The following TNR variants were observed in gnomAD, a reference collection of about 807,000 sequenced individuals.
TNR encodes the protein tenascin R, also known as tenascin-R.
Under a neutral mutation model 150.4 loss-of-function variants are expected in TNR, and 45 were observed. That is an observed-to-expected ratio of 0.30 (90% CI 0.24 to 0.38). The LOEUF (loss-of-function observed/expected upper bound fraction) is 0.38. Ranked by LOEUF, TNR falls within the 10% of genes least tolerant of loss-of-function variation. The probability of loss-of-function intolerance (pLI) is 1.00; values close to 1 mark genes in which losing one functional copy is unlikely to be tolerated. For missense variants in TNR, 1,544 were observed against 1,759.1 expected, an observed-to-expected ratio of 0.88 and a Z score of 2.19; for synonymous variants, 687 against 678.4, an observed-to-expected ratio of 1.01 and a Z score of -0.20.
intron 2 of TNR, among the ~76,000 whole-genome samples, chr1:175,452,285 A>T (rs1322892054): frequency 2.0e-5 from 3 of 152,268 alleles, no homozygotes; most frequent in Non-Finnish European, 4.4e-5. Context: ...TCAGCAGTGA[A>T]CAAAGCGCCC....
intron 21 of TNR, among the ~76,000 whole-genome samples, chr1:175,328,514 T>G (rs980937379): frequency 4.6e-5 from 7 of 152,204 alleles, no homozygotes; most frequent in Admixed American, 3.9e-4. Flanking sequence ...AGAAACCTTC[T>G]GATCTAGAAA....
Position 175,374,162 on chromosome 1 carries a change from G to A in TNR, c.1963+5390C>T, listed in dbSNP as rs1348048261. Among the ~76,000 whole-genome samples, 4 of 152,156 alleles carry A rather than the reference G, an allele frequency of 2.6e-5. No homozygotes were observed. In the East Asian group the frequency reaches 7.7e-4, roughly 29 times the overall value. On this transcript the variant is annotated intron_variant, in intron 9 of 22. Coordinates refer to ENST00000367674, the MANE Select transcript of TNR (RefSeq NM_003285.3). ...GTGCAGACATAGCGAGGTGGACATTGAGTGCCGTGGTCAGTGCTGACTTGC... is the reference window on the plus strand; with the variant it reads ...GTGCAGACATAGCGAGGTGGACATTAAGTGCCGTGGTCAGTGCTGACTTGC...
chr1:175,441,280 CTGTTT>C (rs1183710293), intron 2 of TNR, among the ~76,000 whole-genome samples: 1 of 152,036 alleles, frequency 6.6e-6, no homozygotes, highest in Non-Finnish European at 1.5e-5. Context: ...TAGTTTTGAT[CTGTTT>C]TATGTGTTCA....
intron 6 of TNR, among the ~76,000 whole-genome samples, chr1:175,392,076 G>T (rs183746523): frequency 3.3e-5 from 5 of 152,276 alleles, no homozygotes; most frequent in Admixed American, 2.6e-4. Context: ...AAAGGAAAAA[G>T]GAAGCTTGGA....
intron 1 of TNR, among the ~76,000 whole-genome samples, chr1:175,713,498 C>T (rs1667075677): frequency 6.6e-6 from 1 of 152,196 alleles, no homozygotes; most frequent in South Asian, 2.1e-4. Flanking sequence ...AGCCTCCTGA[C>T]TCCTCCACAA....
At chr1:175,714,896 TG>T in intron 1 of TNR, among the ~76,000 whole-genome samples, 1 of 152,152 alleles carries the variant, frequency 6.6e-6, no homozygotes, top group Non-Finnish European at 1.5e-5. Flanking sequence ...CCCCTTTCCC[TG>T]GTCAGCAGCA....
chr1:175,352,671 T>C (rs1460176521), intron 18 of TNR, among the ~76,000 whole-genome samples: 1 of 152,232 alleles, frequency 6.6e-6, no homozygotes, highest in Non-Finnish European at 1.5e-5. Flanking sequence ...AGATACATCT[T>C]GGATTCATGT....
intron 2 of TNR, among the ~76,000 whole-genome samples, chr1:175,512,151 G>C (rs1659204616): frequency 6.6e-6 from 1 of 152,150 alleles, no homozygotes; most frequent in African/African-American, 2.4e-5. Flanking sequence ...CTTCACCCTA[G>C]AAAGAAGCAT....
At chr1:175,726,623 A>T (rs985656444) in intron 1 of TNR, among the ~76,000 whole-genome samples, 1 of 152,250 alleles carries the variant, frequency 6.6e-6, no homozygotes, top group Non-Finnish European at 1.5e-5. Context: ...CATCTTTTTC[A>T]TTGGTTGTAG....
At chr1:175,380,145 G>A (rs1002633798) in intron 8 of TNR, among the ~76,000 whole-genome samples, 3 of 152,292 alleles carry the variant, frequency 2.0e-5, no homozygotes, top group South Asian at 2.1e-4. Flanking sequence ...AAAGAAGACT[G>A]TTGATTTCAA....
At chr1:175,556,847 C>T (rs1240448856) in intron 1 of TNR, 6 of 152,576 alleles carry the variant, frequency 3.9e-5, no homozygotes, top group African/African-American at 1.4e-4. Flanking sequence ...TATGTAGTCT[C>T]CTCGCCATGA....
intron 1 of TNR, among the ~76,000 whole-genome samples, chr1:175,669,094 T>C (rs574310375): frequency 3.9e-5 from 6 of 152,158 alleles, no homozygotes; most frequent in Non-Finnish European, 8.8e-5. Flanking sequence ...TCACATCAGC[T>C]CCTGCCTCAG....
chr1:175,362,957 T>C (rs1292484813), intron 13 of TNR, 148 bp from the exon 14 acceptor site: 2 of 1,042,512 alleles, frequency 1.9e-6, no homozygotes, highest in East Asian at 4.9e-5. Flanking sequence ...GCTGGGAATG[T>C]TGGAGTGTGA....
chr1:175,651,938 T>A lies in TNR; in HGVS notation c.-165+91288A>T, dbSNP rs1041465522. On this transcript the variant is annotated intron_variant, in intron 1 of 22. Coordinates refer to ENST00000367674, the MANE Select transcript of TNR (RefSeq NM_003285.3). ...CTGTTCAAATTACTATGTTCATGGA[T>A]GAAATAAGAATAATTATATTATTAT... is the stretch of plus-strand genomic sequence containing the variant. Among the ~76,000 whole-genome samples, 13 of 151,406 alleles carry A rather than the reference T, an allele frequency of 8.6e-5. No individual in the cohort carries two copies. The South Asian group carries it at 1.0e-3, about 12-fold the overall frequency.
intron 2 of TNR, among the ~76,000 whole-genome samples, chr1:175,501,914 G>T (rs998367970): frequency 6.6e-6 from 1 of 152,142 alleles, no homozygotes; most frequent in Admixed American, 6.6e-5. Context: ...GTCTGGTGTG[G>T]GTACAGACAA....
chr1:175,439,219 C>A (rs1405272058), intron 2 of TNR, among the ~76,000 whole-genome samples: 2 of 151,370 alleles, frequency 1.3e-5, no homozygotes, highest in East Asian at 3.9e-4. Context: ...GAAATAATGC[C>A]GCATATCTAC....
At chr1:175,644,313 C>G (rs1338791310) in intron 1 of TNR, among the ~76,000 whole-genome samples, 2 of 152,206 alleles carry the variant, frequency 1.3e-5, no homozygotes, top group Non-Finnish European at 2.9e-5. Flanking sequence ...TCAGTGTCAC[C>G]TTCTCATAAC....
intron 2 of TNR, among the ~76,000 whole-genome samples, chr1:175,455,277 T>A (rs748876414): frequency 7.3e-5 from 11 of 151,014 alleles, no homozygotes; most frequent in Admixed American, 1.3e-4. Context: ...TCTGTGGGCA[T>A]AATAGAATGG....
intron 1 of TNR, among the ~76,000 whole-genome samples, chr1:175,672,124 G>A (rs1034837946): frequency 1.7e-4 from 26 of 152,270 alleles, no homozygotes; most frequent in South Asian, 6.2e-4. Flanking sequence ...TTATCTCTCC[G>A]TCTCAATTTC....
Sources: gnomAD v4.1 joint callset for allele counts (sites outside exome capture counted in the v4.1 genomes callset) on GRCh38, gnomAD v4.1.1 for gene constraint, MANE v1.5 for transcripts, NCBI Gene and HGNC (gene_info 2026-07-23, HGNC 2026-07-21) for gene names.